Variants in CIT observed in about 807,000 individuals in gnomAD.
CIT encodes citron Rho-interacting kinase.
In CIT, 79 loss-of-function variants were observed where a neutral mutation model predicts 272.7. That is an observed-to-expected ratio of 0.29 (90% CI 0.24 to 0.35). The LOEUF (loss-of-function observed/expected upper bound fraction) is 0.35. Among genes scored for constraint, CIT ranks in the 10% least tolerant of loss-of-function variants. The pLI is 1.00. For synonymous variants in CIT, 948 were observed against 995.6 expected (o/e 0.95, Z 0.90); for missense variants, 1,909 against 2,618.3 (o/e 0.73, Z 5.91).
At position 119,697,877 on chromosome 12, in the gene CIT, C is replaced by T. The variant is rs1407801672; in HGVS notation, c.5703-39G>A. 13 of 1,613,160 alleles carry T rather than the reference C, an allele frequency of 8.1e-6. No individual in the cohort carries two copies. The highest frequency in any genetic ancestry group is 1.3e-5 in the African/African-American group (1 of 75,020). ...GAGTTCCAGTTACCTTCATTGCAGG[C>T]TACCTCCATTGCTAGGCAAGTTAGG... On this transcript the variant is annotated intron_variant, in intron 45 of 47. Coordinates refer to ENST00000392521, the MANE Select transcript of CIT (RefSeq NM_001206999.2). The surrounding 1 kb of genome is among the most constrained non-coding windows in gnomAD (Gnocchi z 4.9).
At chr12:119,763,879 T>C (rs552334159) in intron 19 of CIT, among the ~76,000 whole-genome samples, 7 of 152,320 alleles carry the variant, frequency 4.6e-5, no homozygotes, top group African/African-American at 1.7e-4. Flanking sequence ...AATAGCATAG[T>C]GGGCTACATG....
chr12:119,810,985 A>C (rs1053815666), intron 9 of CIT, among the ~76,000 whole-genome samples: 2 of 152,162 alleles, frequency 1.3e-5, no homozygotes, highest in East Asian at 3.9e-4. Context: ...CTCCCCTCCC[A>C]CTAGGAAGTG....
chr12:119,829,236 G>T (rs1307625993), intron 7 of CIT, among the ~76,000 whole-genome samples: 2 of 152,138 alleles, frequency 1.3e-5, no homozygotes, highest in Admixed American at 1.3e-4. Flanking sequence ...TACTCGGGGA[G>T]CTGAGGCAGG....
chr12:119,829,506 T>G (rs547944442), intron 7 of CIT, among the ~76,000 whole-genome samples: 1 of 152,344 alleles, frequency 6.6e-6, no homozygotes, highest in Admixed American at 6.5e-5. Flanking sequence ...TCTTACTATG[T>G]CGTTCCTCTT....
intron 7 of CIT, among the ~76,000 whole-genome samples, chr12:119,830,167 C>CA (rs1186079576): frequency 6.7e-6 from 1 of 150,244 alleles, no homozygotes; most frequent in Admixed American, 6.7e-5. Flanking sequence ...GCACTTAATG[C>CA]AAAAAATTCC....
chr12:119,699,582 C>T (rs1210491452), intron 44 of CIT, among the ~76,000 whole-genome samples: 1 of 152,184 alleles, frequency 6.6e-6, no homozygotes, highest in Non-Finnish European at 1.5e-5. Context: ...CCAGCTTCCG[C>T]TTCTATATTC....
chr12:119,744,444 C>T (rs1959179452), intron 23 of CIT, among the ~76,000 whole-genome samples: 1 of 151,118 alleles, frequency 6.6e-6, no homozygotes, highest in Non-Finnish European at 1.5e-5. Context: ...TATAGGAGGC[C>T]AGGCGCAGTG....
At chr12:119,715,484 G>A (rs771217128) in intron 32 of CIT, among the ~76,000 whole-genome samples, 5 of 152,184 alleles carry the variant, frequency 3.3e-5, no homozygotes, top group South Asian at 4.1e-4. Flanking sequence ...AGAGCAGATC[G>A]ACAGAGACAG....
chr12:119,856,029 T>G (rs561199927), intron 4 of CIT, among the ~76,000 whole-genome samples: 1 of 152,208 alleles, frequency 6.6e-6, no homozygotes, highest in Non-Finnish European at 1.5e-5. Context: ...TTATCTGCCA[T>G]GTCCTGTCAC....
chr12:119,875,465 C>T (rs1240445694), intron 2 of CIT, among the ~76,000 whole-genome samples: 1 of 152,090 alleles, frequency 6.6e-6, no homozygotes, highest in Admixed American at 6.6e-5. Context: ...AATAGAGGGC[C>T]AGGTGCAGTG....
chr12:119,700,661 G>A (rs773721011), intron 44 of CIT, 84 bp downstream of exon 44: 20 of 1,148,286 alleles, frequency 1.7e-5, no homozygotes, highest in South Asian at 1.7e-4. Context: ...GATTACAGGC[G>A]TGAGCCACCG....
At chr12:119,823,814 C>T (rs917238945) in intron 8 of CIT, among the ~76,000 whole-genome samples, 2 of 151,760 alleles carry the variant, frequency 1.3e-5, no homozygotes, top group African/African-American at 4.8e-5. Flanking sequence ...CCGAGGCAGG[C>T]GGATCACCTA....
At chr12:119,775,202 G>C (rs1963623053) in intron 16 of CIT, among the ~76,000 whole-genome samples, 1 of 151,898 alleles carries the variant, frequency 6.6e-6, no homozygotes, top group African/African-American at 2.4e-5. Context: ...CAACCCAGGA[G>C]GCGGAGGTTG....
intron 47 of CIT, among the ~76,000 whole-genome samples, 190 bp downstream of exon 47, chr12:119,689,961 G>A (rs1405102536): frequency 1.3e-5 from 2 of 152,140 alleles, no homozygotes; most frequent in Non-Finnish European, 2.9e-5. Flanking sequence ...TTGCAGGCGT[G>A]AGCCACCACG....
chr12:119,865,107 A>G lies in CIT; in HGVS notation c.238+3953T>C, dbSNP rs139578798. Among the ~76,000 whole-genome samples, 241 of 152,334 alleles carry G rather than the reference A, an allele frequency of 1.6e-3. 6 individuals carry two copies. Among genetic ancestry groups the G allele is most frequent in the African/African-American group, 5.7e-3 (235 of 41,572 alleles). ...ACACTAATGTAATCACCCATTTTCA[A>G]TCATGGCCTCTTAAACACTCCCCAG... On this transcript the variant is annotated intron_variant, in intron 3 of 47. Coordinates refer to ENST00000392521, the MANE Select transcript of CIT (RefSeq NM_001206999.2).
At chr12:119,834,058 A>G in intron 6 of CIT, 28 bp downstream of exon 6, 1 of 1,585,488 alleles carries the variant, frequency 6.3e-7, no homozygotes, top group East Asian at 2.3e-5. Context: ...AATCCTCAGC[A>G]TAAAAATGCT....
At chr12:119,811,752 A>C (rs1966849363) in intron 9 of CIT, among the ~76,000 whole-genome samples, 1 of 152,180 alleles carries the variant, frequency 6.6e-6, no homozygotes, top group African/African-American at 2.4e-5. Context: ...CAGACTTCTT[A>C]ACATTTTAGC....
At position 119,710,449 on chromosome 12, in the gene CIT, G is replaced by A; in HGVS notation, c.4936-63C>T. On this transcript the variant is annotated intron_variant, in intron 38 of 47. Coordinates refer to ENST00000392521, the MANE Select transcript of CIT (RefSeq NM_001206999.2). The surrounding 1 kb of genome is among the most constrained non-coding windows in gnomAD (Gnocchi z 5.6). The stretch of plus-strand genomic sequence containing the variant: ...GGTCACGTCACCAGAACAATCTCTA[G>A]TAAGAGCAACAAGGCCTCCACAGCC... The A allele has an allele frequency of 6.2e-7, 1 of 1,613,064 alleles. No individual in the cohort carries two copies. The highest frequency in any genetic ancestry group is 1.1e-5 in the South Asian group (1 of 91,052).
Position 119,734,289 on chromosome 12 carries a change from G to C in CIT, c.3225C>G (p.Asn1075Lys). 1 of 1,613,896 alleles carries C rather than the reference G, an allele frequency of 6.2e-7. No homozygotes were observed. Reference protein sequence around the residue: ...EEQVMDLEALNDELLEKERQW... With the variant: ...EEQVMDLEALKDELLEKERQW... ...GCCGCTCTTTTTCTAGCAGCTCATC[G>C]TTTAGGGCCTCCAAATCCATGACCT... The change falls in exon 26 of 48, where the codon AAC becomes AAG. Residue 1075 changes from asparagine (N) to lysine (K), a missense_variant. Physicochemically the swap from Asn to Lys is moderately conservative, Grantham distance 94 (BLOSUM62 0). This residue lies in a region of CIT where 530 missense variants were observed against 822.4 expected (regional missense o/e 0.64). Transcript: ENST00000392521.
Sources: allele counts gnomAD v4.1 joint callset (sites outside exome capture counted in the v4.1 genomes callset), GRCh38; gene constraint gnomAD v4.1.1; regional missense constraint gnomAD v4.1.1; non-coding constraint Gnocchi (gnomAD v3.1); transcripts MANE v1.5; gene names NCBI Gene and HGNC (gene_info 2026-07-23, HGNC 2026-07-21).